The following RBFOX2 variants were observed in gnomAD, a reference collection of about 807,000 sequenced individuals.
RBFOX2 encodes the protein RNA binding fox-1 homolog 2.
A neutral mutation model predicts 49.1 loss-of-function variants in RBFOX2; 10 were observed. The observed-to-expected ratio is 0.20, with a 90% CI of 0.13 to 0.35. The LOEUF (loss-of-function observed/expected upper bound fraction) is 0.35. Among genes scored for constraint, RBFOX2 ranks in the 10% least tolerant of loss-of-function variants. The probability of loss-of-function intolerance (pLI) is 1.00; values close to 1 mark genes in which losing one functional copy is unlikely to be tolerated. For synonymous variants in RBFOX2, 183 were observed against 187.4 expected (o/e 0.98, Z 0.19); for missense variants, 323 against 486.9 (o/e 0.66, Z 3.17).
intron 1 of RBFOX2, among the ~76,000 whole-genome samples, chr22:35,846,442 C>G (rs1011698415): frequency 2.0e-5 from 3 of 151,210 alleles, no homozygotes; most frequent in Admixed American, 6.6e-5. Context: ...TTTTGAGGAC[C>G]TGAGCATACC....
chr22:35,851,650 AACCCTGTCTCTATTAAAAAT>A (rs1342661758), intron 1 of RBFOX2, among the ~76,000 whole-genome samples: 2 of 151,900 alleles, frequency 1.3e-5, no homozygotes, highest in African/African-American at 4.8e-5. Flanking sequence ...AACATGGCAA[AACCCTGTCTCTATTAAAAAT>A]ACAAAAATTA....
intron 3 of RBFOX2, among the ~76,000 whole-genome samples, chr22:35,781,019 A>G (rs1395937799): frequency 6.6e-6 from 1 of 152,314 alleles, no homozygotes; most frequent in East Asian, 1.9e-4. Context: ...GAAGGTAAAG[A>G]AAAAACAAAG....
At chr22:36,015,510 C>A (rs1357396291) in intron 1 of RBFOX2, among the ~76,000 whole-genome samples, 1 of 152,218 alleles carries the variant, frequency 6.6e-6, no homozygotes, top group Non-Finnish European at 1.5e-5. Context: ...ATATGAGAAG[C>A]AAACCAATGA....
chr22:35,850,193 T>TACACACACACACACACACAC (rs58692076), intron 1 of RBFOX2, among the ~76,000 whole-genome samples: 14 of 132,518 alleles, frequency 1.1e-4, no homozygotes, highest in African/African-American at 1.4e-4. Flanking sequence ...CTCTCTCTCA[T>TACACACACACACACACACAC]ACACACACAC....
At chr22:35,850,047 A>G (rs2041723300) in intron 1 of RBFOX2, among the ~76,000 whole-genome samples, 1 of 152,070 alleles carries the variant, frequency 6.6e-6, no homozygotes, top group Non-Finnish European at 1.5e-5. Flanking sequence ...AAAATAATAT[A>G]TATGTTCCAG....
intron 8 of RBFOX2, 80 bp downstream of exon 9, chr22:35,761,122 T>C: frequency 8.0e-7 from 1 of 1,245,820 alleles, no homozygotes; most frequent in South Asian, 1.3e-5. Flanking sequence ...TTATGTACTG[T>C]ACTAGGAAAA....
chr22:35,785,390 C>T (rs1946174780), intron 2 of RBFOX2, among the ~76,000 whole-genome samples: 1 of 152,178 alleles, frequency 6.6e-6, no homozygotes, highest in South Asian at 2.1e-4. Flanking sequence ...CGATGGCTTG[C>T]TGAGCTGATT....
intron 1 of RBFOX2, among the ~76,000 whole-genome samples, chr22:35,989,127 C>T (rs865801768): frequency 2.0e-5 from 3 of 152,174 alleles, no homozygotes; most frequent in Admixed American, 6.5e-5. Flanking sequence ...TGGATACAGA[C>T]ATCCTAAGTG....
intron 1 of RBFOX2, chr22:35,996,787 A>G: frequency 6.6e-6 from 1 of 152,204 alleles, no homozygotes; most frequent in East Asian, 1.9e-4. Flanking sequence ...TCCTTACACG[A>G]TAATATTATA....
chr22:35,939,741 C>T (rs576027724), upstream of RBFOX2, among the ~76,000 whole-genome samples: 1 of 152,184 alleles, frequency 6.6e-6, no homozygotes, highest in African/African-American at 2.4e-5. Context: ...AGTATAAGGT[C>T]ATATAACATG....
upstream of RBFOX2, among the ~76,000 whole-genome samples, chr22:35,942,296 C>T (rs900057236): frequency 6.6e-5 from 10 of 152,066 alleles, no homozygotes; most frequent in Admixed American, 5.2e-4. Context: ...TCAATAGATA[C>T]TCTCACACCT....
At chr22:35,863,424 G>T (rs2043319713) in intron 1 of RBFOX2, among the ~76,000 whole-genome samples, 2 of 152,108 alleles carry the variant, frequency 1.3e-5, no homozygotes, top group African/African-American at 4.8e-5. Flanking sequence ...AAAACAATAA[G>T]AAGCCATTCT....
At chr22:35,959,111 C>CCCTT (rs2055919181) in intron 1 of RBFOX2, among the ~76,000 whole-genome samples, 4 of 152,088 alleles carry the variant, frequency 2.6e-5, no homozygotes, top group Admixed American at 6.6e-5. Flanking sequence ...AACTACACTA[C>CCCTT]AGATTTATCA....
At chr22:35,941,616 C>A (rs1223995131), upstream of RBFOX2, among the ~76,000 whole-genome samples, 1 of 152,098 alleles carries the variant, frequency 6.6e-6, no homozygotes, top group African/African-American at 2.4e-5. Flanking sequence ...AGGGGATTAT[C>A]TGATTAAGAA....
chr22:35,784,844 C>T (rs1164875617), intron 2 of RBFOX2, among the ~76,000 whole-genome samples: 4 of 152,212 alleles, frequency 2.6e-5, no homozygotes, highest in Non-Finnish European at 5.9e-5. Context: ...CAGATTGCTG[C>T]GTTGCCGGCC....
intron 1 of RBFOX2, among the ~76,000 whole-genome samples, chr22:35,985,561 T>G (rs1177308132): frequency 6.6e-6 from 1 of 152,198 alleles, no homozygotes; most frequent in East Asian, 1.9e-4. Context: ...AATGTTTAAA[T>G]GTTAAATCCA....
chr22:35,792,710 G>C (rs961858247), intron 2 of RBFOX2, among the ~76,000 whole-genome samples: 3 of 152,156 alleles, frequency 2.0e-5, no homozygotes, highest in African/African-American at 4.8e-5. Context: ...AAGGAGCTGA[G>C]AGCTGAACCA....
intron 1 of RBFOX2, among the ~76,000 whole-genome samples, chr22:36,008,556 C>T (rs1008416258): frequency 1.3e-5 from 2 of 152,274 alleles, no homozygotes; most frequent in South Asian, 4.1e-4. Flanking sequence ...GTGGCTCATG[C>T]TTGTAATCCC....
intron 9 of RBFOX2, among the ~76,000 whole-genome samples, chr22:35,756,985 T>C (rs1164080234): frequency 6.6e-6 from 1 of 152,084 alleles, no homozygotes; most frequent in Non-Finnish European, 1.5e-5. Context: ...TCCCAGATAG[T>C]AACAATATAA....
Sources: gnomAD v4.1 joint callset for allele counts (sites outside exome capture counted in the v4.1 genomes callset) on GRCh38, gnomAD v4.1.1 for gene constraint, MANE v1.5 for transcripts, NCBI Gene and HGNC (gene_info 2026-07-23, HGNC 2026-07-21) for gene names.